Variants in CMIP observed in about 807,000 individuals in gnomAD.
The protein encoded by CMIP is C-Maf-inducing protein.
Under a neutral mutation model 97.3 loss-of-function variants are expected in CMIP, and 13 were observed. The observed-to-expected ratio is 0.13, with a 90% CI of 0.09 to 0.21. CMIP has a LOEUF of 0.21. CMIP is among the 10% of genes least tolerant of loss of function. CMIP has a pLI of 1.00. For missense variants in CMIP, 847 were observed against 1,024.9 expected (o/e 0.83, Z 2.37); for synonymous variants, 538 against 436.3 (o/e 1.23, Z -2.91).
intron 1 of CMIP, among the ~76,000 whole-genome samples, chr16:81,542,026 C>T (rs932192960): frequency 5.2e-4 from 79 of 152,168 alleles, no homozygotes; most frequent in African/African-American, 1.8e-3. Flanking sequence ...GTTCAGCTGC[C>T]ACATCACATT....
At chr16:81,575,886 C>T (rs189223308) in intron 1 of CMIP, among the ~76,000 whole-genome samples, 2 of 152,298 alleles carry the variant, frequency 1.3e-5, no homozygotes, top group Admixed American at 1.3e-4. Flanking sequence ...ATTTTAATTC[C>T]TTGACAAACA....
chr16:81,501,878 C>T (rs903285977), intron 1 of CMIP, among the ~76,000 whole-genome samples: 1 of 152,188 alleles, frequency 6.6e-6, no homozygotes, highest in East Asian at 1.9e-4. Context: ...TCCCAAAGTG[C>T]TGGGGTTACA....
At chr16:81,579,817 G>A (rs1173381607) in intron 1 of CMIP, among the ~76,000 whole-genome samples, 7 of 152,210 alleles carry the variant, frequency 4.6e-5, no homozygotes, top group Non-Finnish European at 1.0e-4. Context: ...TTAGCTGGGC[G>A]TGGTGGCGGA....
At chr16:81,520,072 G>A (rs1221046537) in intron 1 of CMIP, 1 of 152,478 alleles carries the variant, frequency 6.6e-6, no homozygotes, top group South Asian at 2.1e-4. Context: ...GCCTGGTGGG[G>A]TCATTTCAGT....
At chr16:81,606,312 G>A (rs2091742949) in intron 1 of CMIP, among the ~76,000 whole-genome samples, 1 of 152,212 alleles carries the variant, frequency 6.6e-6, no homozygotes, top group Non-Finnish European at 1.5e-5. Context: ...AGACCTGTGT[G>A]AGGATTAAAT....
chr16:81,477,800 G>C (rs1430016370), intron 1 of CMIP, among the ~76,000 whole-genome samples: 1 of 152,226 alleles, frequency 6.6e-6, no homozygotes, highest in Non-Finnish European at 1.5e-5. Context: ...GCCAAGAGAG[G>C]CTCAAGTTCC....
rs760401058 is a variant in CMIP at position 81,614,990 on chromosome 16, GTGTA to G, written c.427-5882_427-5879del. ...GTGTGATATGTGACGTGTGTGTGTG[GTGTA>G]TGTGTCTATATGTGATGTCTCTGTG... On this transcript the variant is annotated intron_variant, in intron 2 of 20. Transcript: ENST00000537098. The surrounding 1 kb of genome is among the most constrained non-coding windows in gnomAD (Gnocchi z 5.3). Among the ~76,000 whole-genome samples the G allele has an allele frequency of 7.0e-4, 105 of 150,740 alleles. No homozygotes were observed. Among genetic ancestry groups the G allele is most frequent in the Non-Finnish European group, 1.2e-3 (81 of 67,478 alleles).
chr16:81,537,546 C>CCAAAA (rs1453307752), intron 1 of CMIP, among the ~76,000 whole-genome samples: 7 of 82,068 alleles, frequency 8.5e-5, no homozygotes, highest in East Asian at 5.2e-4. Flanking sequence ...AAAAAAAAGA[C>CCAAAA]AAAAAAAAAA....
intron 1 of CMIP, among the ~76,000 whole-genome samples, chr16:81,488,600 C>T (rs1019935775): frequency 6.6e-6 from 1 of 152,128 alleles, no homozygotes; most frequent in African/African-American, 2.4e-5. Context: ...CATGCCTGTT[C>T]CTTCCCCCAT....
intron 1 of CMIP, chr16:81,603,345 G>C: frequency 1.1e-5 from 5 of 453,640 alleles, no homozygotes; most frequent in South Asian, 7.8e-5. Flanking sequence ...GCCTCCCAAA[G>C]TGCTGGGATT....
At chr16:81,705,261 C>T (rs917326221) in intron 18 of CMIP, among the ~76,000 whole-genome samples, 2 of 152,232 alleles carry the variant, frequency 1.3e-5, no homozygotes, top group Non-Finnish European at 2.9e-5. Flanking sequence ...GCAAAACTGA[C>T]TCCAAGGGGG....
intron 10 of CMIP, among the ~76,000 whole-genome samples, chr16:81,685,505 T>G (rs1905283207): frequency 6.6e-6 from 1 of 152,182 alleles, no homozygotes; most frequent in Non-Finnish European, 1.5e-5. Flanking sequence ...ATGACATTTC[T>G]GCATGGAATA....
At chr16:81,678,992 G>A (rs1181351703) in intron 10 of CMIP, among the ~76,000 whole-genome samples, 1 of 152,254 alleles carries the variant, frequency 6.6e-6, no homozygotes, top group African/African-American at 2.4e-5. Flanking sequence ...GTGTACATAT[G>A]TCTACATGAG....
rs557319208 is a variant in CMIP, at chr16:81,459,443, GC to G, written c.300+13906del. 7.6e-3 allele frequency among the ~76,000 whole-genome samples: 1,153 copies of G among 152,224 alleles called. 2 individuals are homozygous for G. Among genetic ancestry groups the G allele is most frequent in the South Asian group, 0.02 (98 of 4,828 alleles). On this transcript the variant is annotated intron_variant, in intron 1 of 20. Coordinates refer to ENST00000537098, the MANE Select transcript of CMIP (RefSeq NM_198390.3). ...CACCATTATTTGGAATGGGCTCTCA[GC>G]CCCTGTCCTAACCCCAGCCACCAAG...
At chr16:81,674,339 G>T (rs1268288942) in intron 9 of CMIP, among the ~76,000 whole-genome samples, 2 of 152,180 alleles carry the variant, frequency 1.3e-5, no homozygotes, top group Admixed American at 6.5e-5. Context: ...CACCATGTTA[G>T]CCAGGATGGT....
At chr16:81,689,302 C>T (rs1905787553) in intron 10 of CMIP, among the ~76,000 whole-genome samples, 1 of 152,228 alleles carries the variant, frequency 6.6e-6, no homozygotes, top group Non-Finnish European at 1.5e-5. Flanking sequence ...TATTTCTCCA[C>T]ATCCTCTCCA....
intron 1 of CMIP, among the ~76,000 whole-genome samples, chr16:81,494,694 T>A (rs550932688): frequency 6.6e-6 from 1 of 152,254 alleles, no homozygotes; most frequent in South Asian, 2.1e-4. Flanking sequence ...GGGTTCAAAC[T>A]CAGGTCAGGC....
intron 1 of CMIP, among the ~76,000 whole-genome samples, chr16:81,473,565 T>A (rs2150749174): frequency 6.6e-6 from 1 of 151,850 alleles, no homozygotes. Context: ...GTTCCTGTCC[T>A]TTTGGTGTGG....
At chr16:81,658,236 T>C (rs2092507115) in intron 5 of CMIP, among the ~76,000 whole-genome samples, 1 of 152,232 alleles carries the variant, frequency 6.6e-6, no homozygotes, top group Admixed American at 6.5e-5. Flanking sequence ...CTGTGATACA[T>C]AAAGTGAGAT....
Sources: allele counts gnomAD v4.1 joint callset (sites outside exome capture counted in the v4.1 genomes callset), GRCh38; gene constraint gnomAD v4.1.1; non-coding constraint Gnocchi (gnomAD v3.1); transcripts MANE v1.5; gene names NCBI Gene and HGNC (gene_info 2026-07-23, HGNC 2026-07-21).